KCNIP4: variants seen among roughly 807,000 people sequenced by gnomAD.
The protein encoded by KCNIP4 is Kv channel-interacting protein 4.
A neutral mutation model predicts 34.0 loss-of-function variants in KCNIP4; 12 were observed. That is an observed-to-expected ratio of 0.35 (90% CI 0.23 to 0.57). The LOEUF (loss-of-function observed/expected upper bound fraction) is 0.57, where lower values mean the gene tolerates loss of function less well. KCNIP4 is among the 20% of genes least tolerant of loss of function. The pLI is 0.83. For synonymous variants in KCNIP4, 124 were observed against 102.2 expected, an observed-to-expected ratio of 1.21 and a Z score of -1.29; for missense variants, 238 against 311.7, an observed-to-expected ratio of 0.76 and a Z score of 1.78.
chr4:21,533,968 G>T (rs1264723585), intron 1 of KCNIP4, among the ~76,000 whole-genome samples: 1 of 152,106 alleles, frequency 6.6e-6, no homozygotes, highest in African/African-American at 2.4e-5. Context: ...CTTAAATGAT[G>T]GTAACAGTAG....
rs528562576 is a variant in KCNIP4, at chr4:21,216,227, A to T, written c.62-333518T>A. Among the ~76,000 whole-genome samples the T allele has an allele frequency of 9.8e-5, 15 of 152,312 alleles. 1 individual carries two copies. The South Asian group carries it at 3.1e-3, about 32-fold the overall frequency. ...AGAGATAACTCCATGGATATTTCTG[A>T]TGTGCTATTATTAAATTACACATTT... is the stretch of plus-strand genomic sequence containing the variant. On this transcript the variant is annotated intron_variant, in intron 1 of 8. Transcript: ENST00000382152.
At chr4:21,591,548 C>T (rs1046201306) in intron 1 of KCNIP4, among the ~76,000 whole-genome samples, 3 of 151,828 alleles carry the variant, frequency 2.0e-5, no homozygotes, top group Admixed American at 1.3e-4. Context: ...CCTATAACTC[C>T]TTTTGGATGT....
At chr4:21,156,211 C>T (rs552439479) in intron 1 of KCNIP4, among the ~76,000 whole-genome samples, 1 of 152,274 alleles carries the variant, frequency 6.6e-6, no homozygotes, top group East Asian at 1.9e-4. Context: ...GTCAGCTTCA[C>T]CTTCAATATT....
At chr4:21,580,360 A>T (rs1017534059) in intron 1 of KCNIP4, among the ~76,000 whole-genome samples, 13 of 152,090 alleles carry the variant, frequency 8.5e-5, no homozygotes, top group Admixed American at 2.0e-4. Flanking sequence ...GGTGACAGAA[A>T]CTACATTTAG....
rs1446386400 is a variant in KCNIP4 at position 21,519,369 on chromosome 4, C to CGTATATGTATGTGTATATAT, written c.61+429201_61+429202insATATATACACATACATATAC. Among the ~76,000 whole-genome samples, 79 of 125,736 alleles carry CGTATATGTATGTGTATATAT rather than the reference C, an allele frequency of 6.3e-4. 1 individual carries two copies. The highest frequency in any genetic ancestry group is 4.8e-3 in the Middle Eastern group (1 of 208). The allele number at this position is 125,736 out of a possible 152,430, so 82.5% of individuals were successfully genotyped here. The stretch of plus-strand genomic sequence containing the variant: ...ACACACACACACACACACACACACA[C>CGTATATGTATGTGTATATAT]ACACGTATATGTATGTGTATATATA... On this transcript the variant is annotated intron_variant, in intron 1 of 8. Coordinates refer to ENST00000382152, the MANE Select transcript of KCNIP4 (RefSeq NM_025221.6).
intron 1 of KCNIP4, among the ~76,000 whole-genome samples, chr4:21,218,367 G>A (rs1280214924): frequency 1.3e-5 from 2 of 151,908 alleles, no homozygotes; most frequent in Non-Finnish European, 2.9e-5. Flanking sequence ...CTGAAATTAT[G>A]TACACCATAT....
rs73107468 is a variant in KCNIP4 at position 21,149,163 on chromosome 4, G to T, written c.62-266454C>A. Among the ~76,000 whole-genome samples, 453 of 152,258 alleles carry T rather than the reference G, an allele frequency of 3.0e-3. 3 individuals are homozygous for T. The highest frequency in any genetic ancestry group is 0.01 in the African/African-American group (424 of 41,564). ...AAGATCTGGTTTGATCAAAGACTTT[G>T]GCTGTGAATTAGAGAGGGTTTTATA... On this transcript the variant is annotated intron_variant, in intron 1 of 8. Transcript: ENST00000382152.
At chr4:21,178,698 C>G (rs1754617951) in intron 1 of KCNIP4, among the ~76,000 whole-genome samples, 1 of 152,072 alleles carries the variant, frequency 6.6e-6, no homozygotes, top group Non-Finnish European at 1.5e-5. Flanking sequence ...TTCCTCCTGT[C>G]CTGTCGTCAG....
At chr4:21,716,976 T>C (rs1389122739) in intron 1 of KCNIP4, among the ~76,000 whole-genome samples, 1 of 152,190 alleles carries the variant, frequency 6.6e-6, no homozygotes, top group African/African-American at 2.4e-5. Flanking sequence ...CTTCCAAAGG[T>C]GAAACTACCA....
chr4:21,080,493 A>G (rs1332737908), intron 1 of KCNIP4, among the ~76,000 whole-genome samples: 1 of 151,810 alleles, frequency 6.6e-6, no homozygotes, highest in Non-Finnish European at 1.5e-5. Context: ...ATTTTATAGC[A>G]TGTGTTCGTT....
rs187239938 is a variant in KCNIP4, at chr4:21,427,118, G to C, written c.61+521453C>G. Among the ~76,000 whole-genome samples, 876 of 151,784 alleles carry C rather than the reference G, an allele frequency of 5.8e-3. 12 individuals carry two copies. Among genetic ancestry groups the C allele is most frequent in the Admixed American group, 0.018 (277 of 15,256 alleles). ...GAGAATGTTTCAGTCTACTTAGTAG[G>C]AACCTTAACAAGAAAAGTGGACCTC... On this transcript the variant is annotated intron_variant, in intron 1 of 8. Transcript: ENST00000382152.
intron 1 of KCNIP4, among the ~76,000 whole-genome samples, chr4:21,768,408 G>A (rs1021444763): frequency 3.3e-5 from 5 of 152,030 alleles, no homozygotes; most frequent in Non-Finnish European, 5.9e-5. Flanking sequence ...TCCGATTTAA[G>A]TACCCAAATG....
chr4:21,780,811 C>T (rs1719529348), intron 1 of KCNIP4, among the ~76,000 whole-genome samples: 1 of 152,152 alleles, frequency 6.6e-6, no homozygotes, highest in Non-Finnish European at 1.5e-5. Flanking sequence ...TAAATTCTAA[C>T]ATTAAGGTGC....
chr4:20,747,906 G>A (rs991932178), intron 5 of KCNIP4, among the ~76,000 whole-genome samples: 5 of 152,032 alleles, frequency 3.3e-5, no homozygotes, highest in Non-Finnish European at 5.9e-5. Flanking sequence ...AGCTGCCTAC[G>A]CCCATATGAA....
intron 1 of KCNIP4, among the ~76,000 whole-genome samples, chr4:21,227,527 T>G (rs1331032266): frequency 6.6e-6 from 1 of 152,126 alleles, no homozygotes; most frequent in Non-Finnish European, 1.5e-5. Context: ...TAGCTCCACT[T>G]CATGGCTCTT....
intron 1 of KCNIP4, among the ~76,000 whole-genome samples, chr4:21,410,037 C>T (rs188771036): frequency 6.6e-6 from 1 of 152,102 alleles, no homozygotes; most frequent in East Asian, 1.9e-4. Context: ...GTACCAATTG[C>T]AGTTGATGGC....
chr4:21,926,050 T>C (rs1375405490), intron 1 of KCNIP4, among the ~76,000 whole-genome samples: 1 of 152,090 alleles, frequency 6.6e-6, no homozygotes, highest in Admixed American at 6.6e-5. Flanking sequence ...AGCTAAAGAG[T>C]TGGTAACTTG....
chr4:21,845,178 G>C (rs1284567963), intron 1 of KCNIP4: 1 of 151,980 alleles, frequency 6.6e-6, no homozygotes, highest in Admixed American at 6.6e-5. Flanking sequence ...TCCAAATAGA[G>C]GGTTGGCAAA....
chr4:21,251,692 A>T (rs1274153597), intron 1 of KCNIP4, among the ~76,000 whole-genome samples: 6 of 152,310 alleles, frequency 3.9e-5, no homozygotes, highest in African/African-American at 1.4e-4. Flanking sequence ...ATAAAAAATG[A>T]TAAGTTCAAG....
Sources: allele counts gnomAD v4.1 joint callset (sites outside exome capture counted in the v4.1 genomes callset), GRCh38; gene constraint gnomAD v4.1.1; transcripts MANE v1.5; gene names NCBI Gene and HGNC (gene_info 2026-07-23, HGNC 2026-07-21).